Variants in SDK1 observed in about 807,000 individuals in gnomAD.
SDK1 encodes sidekick cell adhesion molecule 1.
Under a neutral mutation model 245.5 loss-of-function variants are expected in SDK1, and 157 were observed. That is an observed-to-expected ratio of 0.64 (90% CI 0.56 to 0.73). The LOEUF is 0.73. Among genes scored for constraint, SDK1 ranks in the 30% least tolerant of loss-of-function variants. SDK1 has a pLI of 0.00. For synonymous variants in SDK1, 1,647 were observed against 1,278.5 expected, an observed-to-expected ratio of 1.29 and a Z score of -6.15; for missense variants, 3,583 against 3,002.3, an observed-to-expected ratio of 1.19 and a Z score of -4.52.
chr7:3,447,041 C>G (rs1278204430), intron 1 of SDK1, among the ~76,000 whole-genome samples: 1 of 152,064 alleles, frequency 6.6e-6, no homozygotes, highest in East Asian at 1.9e-4. Context: ...TATTTTTGTG[C>G]AAGGGACCGA....
At chr7:3,646,443 C>T (rs973351962) in intron 4 of SDK1, among the ~76,000 whole-genome samples, 1 of 152,030 alleles carries the variant, frequency 6.6e-6, no homozygotes, top group Non-Finnish European at 1.5e-5. Context: ...TTAAACATAT[C>T]TTCTCTAATC....
At position 3,645,969 on chromosome 7, in the gene SDK1, C is replaced by G. The variant is rs117701881; in HGVS notation, c.713+3864C>G. Among the ~76,000 whole-genome samples, 778 of 152,188 alleles carry G rather than the reference C, an allele frequency of 5.1e-3. 15 individuals are homozygous for G. Among genetic ancestry groups the G allele is most frequent in the Admixed American group, 0.039 (601 of 15,284 alleles). The stretch of plus-strand genomic sequence containing the variant: ...TGCCTCCCGAGGTCAAGCGATGTTC[C>G]TACCTCAGCCTCCTGAGTAGCTGAG... On this transcript the variant is annotated intron_variant, in intron 4 of 44. Transcript: ENST00000404826.
At chr7:3,574,123 CT>C (rs762606484) in intron 1 of SDK1, among the ~76,000 whole-genome samples, 44 of 143,390 alleles carry the variant, frequency 3.1e-4, no homozygotes, top group African/African-American at 3.1e-4. Flanking sequence ...TTTTTTTTTT[CT>C]TTTTTTTTTT....
chr7:3,373,451 A>C (rs967545106), intron 1 of SDK1, among the ~76,000 whole-genome samples: 2 of 152,188 alleles, frequency 1.3e-5, no homozygotes, highest in Non-Finnish European at 2.9e-5. Context: ...ACTTGACAAA[A>C]CTTAACATCT....
intron 17 of SDK1, among the ~76,000 whole-genome samples, chr7:4,025,800 C>G (rs1442908625): frequency 6.6e-6 from 1 of 152,218 alleles, no homozygotes; most frequent in Non-Finnish European, 1.5e-5. Flanking sequence ...GCCTTCTGCC[C>G]TGACTCTTGC....
At chr7:3,871,565 T>G (rs1780957277) in intron 5 of SDK1, among the ~76,000 whole-genome samples, 2 of 152,218 alleles carry the variant, frequency 1.3e-5, no homozygotes, top group Admixed American at 1.3e-4. Flanking sequence ...TGCCAGCCTC[T>G]GCTCAGCTTT....
At chr7:3,599,624 T>C (rs1220052718) in intron 1 of SDK1, among the ~76,000 whole-genome samples, 1 of 152,220 alleles carries the variant, frequency 6.6e-6, no homozygotes, top group Non-Finnish European at 1.5e-5. Flanking sequence ...CATTTTGATT[T>C]AATTTGTATA....
chr7:3,929,194 T>A (rs1324089045), intron 5 of SDK1, among the ~76,000 whole-genome samples: 1 of 152,362 alleles, frequency 6.6e-6, no homozygotes. Context: ...ATATTCATCC[T>A]CTTACCATCC....
chr7:3,915,188 G>A (rs1361279771), intron 5 of SDK1, among the ~76,000 whole-genome samples: 1 of 152,198 alleles, frequency 6.6e-6, no homozygotes, highest in East Asian at 1.9e-4. Context: ...GGATGAGCCA[G>A]AGAAAGCTGG....
At chr7:3,743,825 G>T (rs1007570380) in intron 4 of SDK1, among the ~76,000 whole-genome samples, 2 of 152,052 alleles carry the variant, frequency 1.3e-5, no homozygotes, top group African/African-American at 2.4e-5. Flanking sequence ...ATGAAAGGGC[G>T]ATGCCTGGAC....
chr7:3,619,581 T>C (rs1327628096), intron 2 of SDK1, among the ~76,000 whole-genome samples: 2 of 152,238 alleles, frequency 1.3e-5, no homozygotes, highest in Non-Finnish European at 2.9e-5. Flanking sequence ...GTATTGCTCC[T>C]GTCTAGGCAC....
intron 17 of SDK1, among the ~76,000 whole-genome samples, chr7:4,043,662 C>T (rs1254844108): frequency 6.6e-6 from 1 of 152,216 alleles, no homozygotes; most frequent in African/African-American, 2.4e-5. Flanking sequence ...GTGCTGCAGC[C>T]ACGCAAAGGT....
intron 4 of SDK1, among the ~76,000 whole-genome samples, chr7:3,679,706 C>G (rs73672135): frequency 0.077 from 11,719 of 152,274 alleles, 957 homozygotes; most frequent in East Asian, 0.4. Flanking sequence ...AATGAGATTT[C>G]ACTTCCTACC....
intron 1 of SDK1, among the ~76,000 whole-genome samples, chr7:3,570,030 C>G (rs1583177517): frequency 6.6e-6 from 1 of 152,258 alleles, no homozygotes; most frequent in Middle Eastern, 3.4e-3. Context: ...CTAAATCACA[C>G]ACACCAGCTC....
At chr7:3,771,025 G>C (rs1389485267) in intron 4 of SDK1, among the ~76,000 whole-genome samples, 1 of 152,064 alleles carries the variant, frequency 6.6e-6, no homozygotes, top group Non-Finnish European at 1.5e-5. Flanking sequence ...TTCTGGTCTT[G>C]GCTTTGTTTG....
intron 4 of SDK1, among the ~76,000 whole-genome samples, chr7:3,759,892 CT>C (rs1420064467): frequency 6.6e-6 from 1 of 152,274 alleles, no homozygotes; most frequent in African/African-American, 2.4e-5. Flanking sequence ...TGTGCCCAGG[CT>C]TTTCCCCATT....
rs556987910 is a variant in SDK1, at chr7:3,735,400, A to G, written c.714-86050A>G. ...AGTTTGACTACTCTAGGTACCTCATATAAGTGAAGGCAGAGAGTATTTTGA... is the reference window on the plus strand; with the variant it reads ...AGTTTGACTACTCTAGGTACCTCATGTAAGTGAAGGCAGAGAGTATTTTGA... On this transcript the variant is annotated intron_variant, in intron 4 of 44. Coordinates refer to ENST00000404826, the MANE Select transcript of SDK1 (RefSeq NM_152744.4). Among the ~76,000 whole-genome samples the G allele has an allele frequency of 1.8e-4, 28 of 152,300 alleles. No individual in the cohort carries two copies. The South Asian group carries it at 5.4e-3, about 29-fold the overall frequency.
rs188191317 is a variant in SDK1 at position 3,758,569 on chromosome 7, C to T, written c.714-62881C>T. ...TAGGTCAAATGGCTCCTACTGTGGC[C>T]TTGAGAGCTTTCTCCAGTTGGCCAC... is the stretch of plus-strand genomic sequence containing the variant. On this transcript the variant is annotated intron_variant, in intron 4 of 44. Transcript: ENST00000404826. 4.1e-3 allele frequency among the ~76,000 whole-genome samples: 624 copies of T among 152,284 alleles called. 7 individuals carry two copies. Among genetic ancestry groups the T allele is most frequent in the African/African-American group, 0.015 (604 of 41,536 alleles).
Position 3,815,428 on chromosome 7 carries a change from G to C in SDK1, c.714-6022G>C, listed in dbSNP as rs867028016. Reference sequence around the variant, plus strand: ...TGCTGGATTACATTTATTGATTTGCGTATATTGAACCAGCCTTGCATCCCA... The same window carrying C: ...TGCTGGATTACATTTATTGATTTGCCTATATTGAACCAGCCTTGCATCCCA... On this transcript the variant is annotated intron_variant, in intron 4 of 44. Transcript: ENST00000404826. Among the ~76,000 whole-genome samples the C allele has an allele frequency of 9.5e-5, 14 of 147,208 alleles. No individual in the cohort carries two copies. In the South Asian group the frequency reaches 3.1e-3, roughly 33 times the overall value.
Sources: allele counts gnomAD v4.1 joint callset (sites outside exome capture counted in the v4.1 genomes callset), GRCh38; gene constraint gnomAD v4.1.1; transcripts MANE v1.5; gene names NCBI Gene and HGNC (gene_info 2026-07-23, HGNC 2026-07-21).